SRPK2: variants seen among roughly 807,000 people sequenced by gnomAD.
The protein encoded by SRPK2 is SFRS protein kinase 2.
A neutral mutation model predicts 90.8 loss-of-function variants in SRPK2; 21 were observed. That is an observed-to-expected ratio of 0.23 (90% CI 0.16 to 0.33). SRPK2 has a LOEUF of 0.33. Among genes scored for constraint, SRPK2 ranks in the 10% least tolerant of loss-of-function variants. The probability of loss-of-function intolerance (pLI) is 1.00; values close to 1 mark genes in which losing one functional copy is unlikely to be tolerated. For synonymous variants in SRPK2, 288 were observed against 311.1 expected (o/e 0.93, Z 0.78); for missense variants, 620 against 869.0 (o/e 0.71, Z 3.60).
In SRPK2 at chr7:105,142,505, G is replaced by A. The variant is rs1273796260; in HGVS notation, c.1061-15C>T. On this transcript the variant is annotated splice_polypyrimidine_tract_variant and intron_variant, in intron 10 of 15. Coordinates refer to ENST00000393651, the MANE Select transcript of SRPK2 (RefSeq NM_182692.3). ...CTCAGCTTCACCTTAAGAATTTGAT[G>A]GGTCAAGAATTAGAACTTGTTACTC... 1.3e-6 allele frequency: 2 copies of A among 1,591,390 alleles called. No individual in the cohort carries two copies. The highest frequency in any genetic ancestry group is 2.2e-5 in the East Asian group (1 of 44,800).
intron 2 of SRPK2, among the ~76,000 whole-genome samples, chr7:105,242,783 T>A (rs190391955): frequency 1.3e-5 from 2 of 152,294 alleles, no homozygotes; most frequent in East Asian, 3.9e-4. Flanking sequence ...CAATGAACCA[T>A]GTTCACCATT....
At chr7:105,367,402 A>G (rs1194698452) in intron 2 of SRPK2, among the ~76,000 whole-genome samples, 2 of 152,132 alleles carry the variant, frequency 1.3e-5, no homozygotes, top group Non-Finnish European at 2.9e-5. Flanking sequence ...AGCTGGGACT[A>G]TAGGCACGCA....
chr7:105,192,754 G>C (rs1794462063), intron 3 of SRPK2, among the ~76,000 whole-genome samples: 1 of 152,130 alleles, frequency 6.6e-6, no homozygotes, highest in Admixed American at 6.5e-5. Flanking sequence ...CAGGAGTAAA[G>C]TGGTATTGCA....
At chr7:105,286,158 T>A (rs991963026) in intron 2 of SRPK2, among the ~76,000 whole-genome samples, 1 of 152,176 alleles carries the variant, frequency 6.6e-6, no homozygotes, top group African/African-American at 2.4e-5. Context: ...AGGGTTTGGG[T>A]TCTAAGCCAC....
chr7:105,182,449 C>A (rs1792996086), intron 3 of SRPK2, among the ~76,000 whole-genome samples: 2 of 135,936 alleles, frequency 1.5e-5, no homozygotes, highest in South Asian at 4.7e-4. Flanking sequence ...GTTTCCCCCC[C>A]CGCCTTTTTT....
intron 2 of SRPK2, among the ~76,000 whole-genome samples, chr7:105,295,577 T>C (rs1421253460): frequency 6.6e-6 from 1 of 152,218 alleles, no homozygotes; most frequent in Non-Finnish European, 1.5e-5. Context: ...TAAGCAAATT[T>C]CATTGACAAA....
intron 2 of SRPK2, among the ~76,000 whole-genome samples, chr7:105,259,166 G>A (rs1803818329): frequency 6.6e-6 from 1 of 152,176 alleles, no homozygotes; most frequent in Non-Finnish European, 1.5e-5. Context: ...ATCTCCTTAA[G>A]CTGATAAGCA....
intron 2 of SRPK2, among the ~76,000 whole-genome samples, chr7:105,283,044 G>A (rs907733498): frequency 6.6e-6 from 1 of 152,144 alleles, no homozygotes; most frequent in African/African-American, 2.4e-5. Context: ...ACAAAAAGAT[G>A]CTCCACATCA....
chr7:105,294,841 A>C (rs1809576733), intron 2 of SRPK2, among the ~76,000 whole-genome samples: 1 of 152,016 alleles, frequency 6.6e-6, no homozygotes, highest in African/African-American at 2.4e-5. Flanking sequence ...TCATTTTCTA[A>C]TCCTGTTTTT....
intron 2 of SRPK2, among the ~76,000 whole-genome samples, chr7:105,281,420 G>A (rs1315499994): frequency 1.3e-5 from 2 of 151,960 alleles, no homozygotes; most frequent in South Asian, 2.1e-4. Context: ...TGCAAAAACC[G>A]CAATTACATT....
At chr7:105,249,841 A>T (rs2299324) in intron 2 of SRPK2, among the ~76,000 whole-genome samples, 1 of 152,286 alleles carries the variant, frequency 6.6e-6, no homozygotes, top group East Asian at 1.9e-4. Context: ...CAAAACCTCA[A>T]CTATACTAAA....
chr7:105,166,627 A>G (rs1001923053), intron 6 of SRPK2, among the ~76,000 whole-genome samples: 3 of 152,226 alleles, frequency 2.0e-5, no homozygotes, highest in African/African-American at 7.2e-5. Context: ...ATTTCTCCCA[A>G]TAAGTTTGTA....
intron 2 of SRPK2, among the ~76,000 whole-genome samples, chr7:105,252,652 A>G (rs1802629581): frequency 6.6e-6 from 1 of 152,212 alleles, no homozygotes; most frequent in Non-Finnish European, 1.5e-5. Context: ...AACAATTTAT[A>G]GAAATGATAC....
chr7:105,121,512 A>C (rs145987605), intron 15 of SRPK2, among the ~76,000 whole-genome samples: 17 of 152,340 alleles, frequency 1.1e-4, no homozygotes, highest in Middle Eastern at 3.4e-3. Flanking sequence ...AAGAATGTGG[A>C]ATATCACTTC....
At chr7:105,393,463 T>C (rs1042881636), upstream of SRPK2, among the ~76,000 whole-genome samples, 1 of 140,540 alleles carries the variant, frequency 7.1e-6, no homozygotes, top group Non-Finnish European at 1.5e-5. Context: ...GTTTTTCTTT[T>C]TTTTTTTTTT....
chr7:105,396,143 G>A (rs766623185), intron 1 of SRPK2, among the ~76,000 whole-genome samples: 5 of 151,684 alleles, frequency 3.3e-5, no homozygotes, highest in African/African-American at 7.3e-5. Flanking sequence ...TCGAACTCCC[G>A]ACCTCAGGTG....
chr7:105,240,353 G>A (rs1225276402), intron 2 of SRPK2, among the ~76,000 whole-genome samples: 3 of 152,142 alleles, frequency 2.0e-5, no homozygotes, highest in Non-Finnish European at 4.4e-5. Context: ...ATGAATTTTA[G>A]GGGAACATAT....
chr7:105,376,735 G>C (rs1049278438), intron 2 of SRPK2, among the ~76,000 whole-genome samples: 1 of 150,940 alleles, frequency 6.6e-6, no homozygotes, highest in African/African-American at 2.4e-5. Context: ...ATGGGGTTTC[G>C]CCATGTTGGC....
intron 2 of SRPK2, among the ~76,000 whole-genome samples, chr7:105,373,404 C>CTTT (rs60572082): frequency 4.7e-5 from 6 of 127,444 alleles, no homozygotes; most frequent in African/African-American, 1.1e-4. Context: ...TTTTCTTTTC[C>CTTT]TTTTTTTTTT....
Sources: allele counts gnomAD v4.1 joint callset (sites outside exome capture counted in the v4.1 genomes callset), GRCh38; gene constraint gnomAD v4.1.1; transcripts MANE v1.5; gene names NCBI Gene and HGNC (gene_info 2026-07-23, HGNC 2026-07-21).